The following FBXO42 variants were observed in gnomAD, a reference collection of about 807,000 sequenced individuals.
FBXO42 encodes the protein F-box protein 42, also known as F-box only protein 42.
A neutral mutation model predicts 71.7 loss-of-function variants in FBXO42; 12 were observed. The ratio of observed to expected loss-of-function variants is 0.17; its 90% confidence interval spans 0.11 to 0.27. The LOEUF (loss-of-function observed/expected upper bound fraction) is 0.27. Among genes scored for constraint, FBXO42 ranks in the 10% least tolerant of loss-of-function variants. The probability of loss-of-function intolerance (pLI) is 1.00; values close to 1 mark genes in which losing one functional copy is unlikely to be tolerated. For synonymous variants in FBXO42, 325 were observed against 327.5 expected (o/e 0.99, Z 0.08); for missense variants, 707 against 911.9 (o/e 0.78, Z 2.89).
At chr1:16,294,954 T>A in intron 3 of FBXO42, 37 bp from the exon 4 acceptor site, 1 of 1,551,958 alleles carries the variant, frequency 6.4e-7, no homozygotes, top group Non-Finnish European at 8.7e-7. Flanking sequence ...CTGTGAAAAT[T>A]CTGAGGCCCT....
At chr1:16,323,439 A>C (rs765409092) in intron 1 of FBXO42, among the ~76,000 whole-genome samples, 16 of 152,048 alleles carry the variant, frequency 1.1e-4, no homozygotes, top group South Asian at 2.1e-4. Flanking sequence ...AACAAACAAA[A>C]AAAGTAATTA....
intron 1 of FBXO42, among the ~76,000 whole-genome samples, chr1:16,335,941 T>G (rs375541740): frequency 6.2e-4 from 94 of 152,048 alleles, no homozygotes; most frequent in African/African-American, 2.2e-3. Flanking sequence ...AAATTTTGTT[T>G]TGTTTTTGAG....
intron 2 of FBXO42, among the ~76,000 whole-genome samples, chr1:16,312,798 CTTT>C (rs34574831): frequency 6.3e-5 from 9 of 142,196 alleles, no homozygotes; most frequent in Non-Finnish European, 7.7e-5. Flanking sequence ...TTTTGTTTTG[CTTT>C]TTTTTTTTTT....
intron 1 of FBXO42, among the ~76,000 whole-genome samples, chr1:16,333,246 T>C (rs2082519028): frequency 6.6e-6 from 1 of 152,182 alleles, no homozygotes; most frequent in Admixed American, 6.6e-5. Flanking sequence ...ATTAGATAAA[T>C]ACTAGAGATA....
At chr1:16,352,035 C>T in intron 1 of FBXO42, among the ~76,000 whole-genome samples, 1 of 152,254 alleles carries the variant, frequency 6.6e-6, no homozygotes, top group South Asian at 2.1e-4. Context: ...GGGGTGGGTT[C>T]GCTCCCAACC....
In FBXO42 at chr1:16,249,455, T is replaced by C. The variant is rs75986639; in HGVS notation, c.*1215A>G. 6.6e-6 allele frequency: 1 copy of C among 152,190 alleles called. No individual in the cohort carries two copies. The highest frequency in any genetic ancestry group is 1.5e-5 in the Non-Finnish European group (1 of 68,032). The allele number at this position is 152,190 out of a possible 1,614,324, so 9.4% of individuals were successfully genotyped here. ...GCCAATAGCCAGGAAGAGGAATATA[T>C]GTCACCACAAGGAAAAAAACATTTC... is the stretch of plus-strand genomic sequence containing the variant. On this transcript the variant is annotated 3_prime_UTR_variant, in exon 10 of 10. Transcript: ENST00000375592.
chr1:16,321,995 C>A (rs1160623685), intron 1 of FBXO42, among the ~76,000 whole-genome samples: 1 of 151,444 alleles, frequency 6.6e-6, no homozygotes. Flanking sequence ...ATGGCGAAAC[C>A]CTGTCTCTAC....
chr1:16,254,298 G>A (rs2081618358), intron 6 of FBXO42, among the ~76,000 whole-genome samples: 1 of 152,190 alleles, frequency 6.6e-6, no homozygotes, highest in Admixed American at 6.5e-5. Flanking sequence ...CACTGGTTAA[G>A]CTACAGTTTT....
intron 4 of FBXO42, among the ~76,000 whole-genome samples, chr1:16,258,260 T>C (rs2081667778): frequency 6.6e-6 from 1 of 152,174 alleles, no homozygotes; most frequent in Admixed American, 6.5e-5. Flanking sequence ...GTGATCTCAC[T>C]TAGGGGAACA....
At chr1:16,349,944 G>A (rs1458994218) in intron 1 of FBXO42, among the ~76,000 whole-genome samples, 1 of 152,188 alleles carries the variant, frequency 6.6e-6, no homozygotes, top group Non-Finnish European at 1.5e-5. Flanking sequence ...CTTTGAGATA[G>A]CTTCTCCCTG....
At chr1:16,349,458 CTTTTA>C (rs1277459017) in intron 1 of FBXO42, among the ~76,000 whole-genome samples, 1 of 152,188 alleles carries the variant, frequency 6.6e-6, no homozygotes, top group Non-Finnish European at 1.5e-5. Flanking sequence ...TTACATTTAC[CTTTTA>C]TTTTACATTT....
At chr1:16,288,911 T>C (rs976649084) in intron 4 of FBXO42, among the ~76,000 whole-genome samples, 3 of 151,394 alleles carry the variant, frequency 2.0e-5, no homozygotes, top group Admixed American at 6.6e-5. Context: ...TGAGCTGAGA[T>C]TGCACCATCA....
chr1:16,307,324 C>T (rs1416091018), intron 2 of FBXO42, among the ~76,000 whole-genome samples: 1 of 152,050 alleles, frequency 6.6e-6, no homozygotes. Context: ...CATAGCAAGA[C>T]CCCATTTCTC....
At position 16,251,883 on chromosome 1, in the gene FBXO42, A is replaced by G; in HGVS notation, c.1039-98T>C. ...CATGAGCATCTGTCATGTGCCAGAC[A>G]TTTTGTAGGTACCTGAGATATGAAG... On this transcript the variant is annotated intron_variant, in intron 9 of 9. Transcript: ENST00000375592. The surrounding 1 kb of genome is among the most constrained non-coding windows in gnomAD (Gnocchi z 4.5). 7.0e-7 allele frequency: 1 copy of G among 1,427,212 alleles called. No homozygotes were observed. Among genetic ancestry groups the G allele is most frequent in the East Asian group, 2.3e-5 (1 of 43,590 alleles). The allele number at this position is 1,427,212 out of a possible 1,614,324, so 88.4% of individuals were successfully genotyped here. A position where few individuals can be genotyped will look rare whatever the true frequency, so the allele number is the denominator to read the frequency against.
intron 3 of FBXO42, among the ~76,000 whole-genome samples, chr1:16,303,795 G>C (rs2082221807): frequency 6.6e-6 from 1 of 152,050 alleles, no homozygotes; most frequent in African/African-American, 2.4e-5. Flanking sequence ...ACCGAGGCTA[G>C]AGTGCAGTGG....
At chr1:16,286,407 G>A (rs1296924333) in intron 4 of FBXO42, among the ~76,000 whole-genome samples, 2 of 152,154 alleles carry the variant, frequency 1.3e-5, no homozygotes, top group Non-Finnish European at 2.9e-5. Flanking sequence ...AGGGCAGCAG[G>A]ACGGAATGAG....
In FBXO42 at chr1:16,317,601, G is replaced by GCAAA. The variant is rs35197526; in HGVS notation, c.-17-2170_-17-2167dup. On this transcript the variant is annotated intron_variant, in intron 1 of 9. Coordinates refer to ENST00000375592, the MANE Select transcript of FBXO42 (RefSeq NM_018994.3). Reference sequence around the variant, plus strand: ...TACAGCAAGACTCCATCTCAAACAAGCAAACAAACAAACAAACAAACAAAC... The same window carrying GCAAA: ...TACAGCAAGACTCCATCTCAAACAAGCAAACAAACAAACAAACAAACAAACAAAC... Among the ~76,000 whole-genome samples, 1,318 of 150,856 alleles carry GCAAA rather than the reference G, an allele frequency of 8.7e-3. 7 individuals are homozygous for GCAAA. Among genetic ancestry groups the GCAAA allele is most frequent in the Non-Finnish European group, 0.012 (822 of 67,728 alleles).
At chr1:16,286,704 C>T (rs996364280) in intron 4 of FBXO42, among the ~76,000 whole-genome samples, 3 of 152,156 alleles carry the variant, frequency 2.0e-5, no homozygotes, top group Non-Finnish European at 4.4e-5. Flanking sequence ...TCCTAATAAG[C>T]GTCTCAAACT....
intron 1 of FBXO42, among the ~76,000 whole-genome samples, chr1:16,318,142 G>A (rs893292140): frequency 1.1e-4 from 17 of 152,166 alleles, no homozygotes; most frequent in Non-Finnish European, 2.1e-4. Flanking sequence ...AATACTGGCC[G>A]GGTGCAGTGG....
Sources: allele counts gnomAD v4.1 joint callset (sites outside exome capture counted in the v4.1 genomes callset), GRCh38; gene constraint gnomAD v4.1.1; non-coding constraint Gnocchi (gnomAD v3.1); transcripts MANE v1.5; gene names NCBI Gene and HGNC (gene_info 2026-07-23, HGNC 2026-07-21).